The following CADM2 variants were observed in gnomAD, a reference collection of about 807,000 sequenced individuals.
CADM2 encodes immunoglobulin superfamily member 4D.
Under a neutral mutation model 49.8 loss-of-function variants are expected in CADM2, and 12 were observed. That is an observed-to-expected ratio of 0.24 (90% confidence interval 0.15 to 0.39). The LOEUF is 0.39. Ranked by LOEUF, CADM2 falls within the 10% of genes least tolerant of loss-of-function variation. CADM2 has a pLI of 1.00. For missense variants in CADM2, 378 were observed against 492.3 expected (o/e 0.77, Z 2.20); for synonymous variants, 214 against 175.4 (o/e 1.22, Z -1.74).
intron 2 of CADM2, among the ~76,000 whole-genome samples, chr3:85,798,577 G>A (rs2071773770): frequency 6.6e-6 from 1 of 152,160 alleles, no homozygotes; most frequent in Non-Finnish European, 1.5e-5. Context: ...TCAGATGGTT[G>A]TAGATGTGTG....
intron 3 of CADM2, among the ~76,000 whole-genome samples, chr3:85,827,576 CT>C (rs2073978480): frequency 6.6e-6 from 1 of 151,846 alleles, no homozygotes; most frequent in Non-Finnish European, 1.5e-5. Context: ...TTTTCTATCT[CT>C]TTTATTATTT....
chr3:85,612,380 AT>A (rs2063702366), intron 1 of CADM2, among the ~76,000 whole-genome samples: 1 of 151,670 alleles, frequency 6.6e-6, no homozygotes, highest in Admixed American at 6.6e-5. Flanking sequence ...TTCTAATTCC[AT>A]TTTCTTGCAA....
intron 8 of CADM2, among the ~76,000 whole-genome samples, chr3:85,991,326 T>A (rs1728747091): frequency 6.6e-6 from 1 of 152,342 alleles, no homozygotes; most frequent in South Asian, 2.1e-4. Context: ...CTGTTTAGTT[T>A]GTTTTATGTC....
At chr3:85,715,074 CATTT>C (rs1197989307) in intron 1 of CADM2, among the ~76,000 whole-genome samples, 1 of 152,132 alleles carries the variant, frequency 6.6e-6, no homozygotes, top group African/African-American at 2.4e-5. Context: ...TCTAATTACA[CATTT>C]ATGTGATTCT....
At chr3:85,047,366 T>TTGC (rs1486219198) in intron 1 of CADM2, among the ~76,000 whole-genome samples, 6 of 152,126 alleles carry the variant, frequency 3.9e-5, no homozygotes, top group Middle Eastern at 3.2e-3. Context: ...GCTAATAGAT[T>TTGC]ATAAAGGATT....
intron 8 of CADM2, among the ~76,000 whole-genome samples, chr3:86,040,065 C>T (rs540781835): frequency 2.0e-5 from 3 of 152,252 alleles, no homozygotes; most frequent in African/African-American, 4.8e-5. Flanking sequence ...AGGACATCCA[C>T]ACCGAAACCC....
chr3:85,454,706 A>T (rs1468639814), intron 1 of CADM2, among the ~76,000 whole-genome samples: 2 of 152,172 alleles, frequency 1.3e-5, no homozygotes, highest in African/African-American at 2.4e-5. Flanking sequence ...ATGCAAACCC[A>T]TTAACTCAAC....
intron 1 of CADM2, among the ~76,000 whole-genome samples, chr3:85,378,737 GA>G (rs754256340): frequency 6.6e-6 from 1 of 151,842 alleles, no homozygotes; most frequent in East Asian, 1.9e-4. Context: ...AAGGGTGGGA[GA>G]GGGGTGAGGG....
Position 85,568,396 on chromosome 3 carries a change from C to CCTCTTT in CADM2, c.62-158123_62-158118dup, listed in dbSNP as rs1308862052. On this transcript the variant is annotated intron_variant, in intron 1 of 9. Transcript: ENST00000383699. ...TGTTACCTACAATCTTTCCTTCCTC[C>CCTCTTT]CTCTTTCTTTCTTTCTTTCTTTCTT... Among the ~76,000 whole-genome samples, 9 of 102,562 alleles carry CCTCTTT rather than the reference C, an allele frequency of 8.8e-5. 1 individual carries two copies. The highest frequency in any genetic ancestry group is 2.7e-4 in the African/African-American group (9 of 33,312). 67.3% of individuals were successfully genotyped at this position (102,562 alleles called of 152,430 possible). A position where few individuals can be genotyped will look rare whatever the true frequency, so the allele number is the denominator to read the frequency against.
At chr3:85,808,210 T>C (rs1011321066) in intron 3 of CADM2, among the ~76,000 whole-genome samples, 10 of 152,136 alleles carry the variant, frequency 6.6e-5, no homozygotes, top group African/African-American at 2.2e-4. Flanking sequence ...AAATAGAAAA[T>C]AAGAATCAAG....
intron 1 of CADM2, among the ~76,000 whole-genome samples, chr3:85,044,038 T>C (rs1001418811): frequency 2.6e-5 from 4 of 152,108 alleles, no homozygotes; most frequent in Non-Finnish European, 5.9e-5. Flanking sequence ...GCAGGGTTAA[T>C]GAATATCCTT....
intron 7 of CADM2, among the ~76,000 whole-genome samples, chr3:85,941,559 T>G (rs1295901369): frequency 6.6e-6 from 1 of 152,008 alleles, no homozygotes; most frequent in Non-Finnish European, 1.5e-5. Flanking sequence ...CCAAAATAGT[T>G]AAAACGAGAC....
intron 1 of CADM2, among the ~76,000 whole-genome samples, chr3:85,244,691 T>G (rs1041910528): frequency 1.3e-5 from 2 of 152,146 alleles, no homozygotes; most frequent in Non-Finnish European, 2.9e-5. Context: ...AAGTAACTCC[T>G]TTATAGGACT....
At chr3:85,076,959 G>GCACACC (rs1322590920) in intron 1 of CADM2, among the ~76,000 whole-genome samples, 1 of 152,170 alleles carries the variant, frequency 6.6e-6, no homozygotes, top group East Asian at 1.9e-4. Flanking sequence ...GCACCAGAGA[G>GCACACC]AGACTCCGTC....
At chr3:85,595,570 A>T (rs2063219507) in intron 1 of CADM2, among the ~76,000 whole-genome samples, 1 of 152,042 alleles carries the variant, frequency 6.6e-6, no homozygotes, top group Admixed American at 6.6e-5. Context: ...ATTACTTAGA[A>T]TTCTTAAAAG....
intron 1 of CADM2, among the ~76,000 whole-genome samples, chr3:85,365,155 A>G (rs2032659209): frequency 7.5e-6 from 1 of 133,196 alleles, no homozygotes; most frequent in South Asian, 2.4e-4. Flanking sequence ...CTACCTAGAC[A>G]TTCTTGGTGG....
intron 5 of CADM2, among the ~76,000 whole-genome samples, chr3:85,889,282 T>A (rs1045758088): frequency 6.6e-6 from 1 of 152,192 alleles, no homozygotes; most frequent in African/African-American, 2.4e-5. Context: ...TTTATCACAT[T>A]TTCTTGTCCA....
chr3:85,918,024 G>C (rs1559741333), intron 6 of CADM2, among the ~76,000 whole-genome samples: 1 of 152,150 alleles, frequency 6.6e-6, no homozygotes, highest in African/African-American at 2.4e-5. Context: ...TGTGTCCTGA[G>C]ACTTTGCTGA....
At chr3:85,714,543 C>T (rs2067221290) in intron 1 of CADM2, among the ~76,000 whole-genome samples, 1 of 152,064 alleles carries the variant, frequency 6.6e-6, no homozygotes, top group Admixed American at 6.6e-5. Flanking sequence ...TCTCCTGCCT[C>T]AGCCTCCTGA....
Sources: gnomAD v4.1 joint callset for allele counts (sites outside exome capture counted in the v4.1 genomes callset) on GRCh38, gnomAD v4.1.1 for gene constraint, MANE v1.5 for transcripts, NCBI Gene and HGNC (gene_info 2026-07-23, HGNC 2026-07-21) for gene names.